Variants in HADHA observed in about 807,000 individuals in gnomAD.
HADHA encodes the protein trifunctional enzyme subunit alpha, mitochondrial.
HADHA carries 59 observed loss-of-function variants against 91.3 expected under a neutral mutation model. That is an observed-to-expected ratio of 0.65 (90% CI 0.52 to 0.80). HADHA has a LOEUF of 0.80. Ranked by LOEUF, HADHA falls within the 30% of genes least tolerant of loss-of-function variation. The pLI is 0.00. For synonymous variants in HADHA, 320 were observed against 338.9 expected (o/e 0.94, Z 0.61); for missense variants, 800 against 927.6 (o/e 0.86, Z 1.79).
chr2:26,221,249 C>T lies in HADHA; in HGVS notation c.677-6074G>A, dbSNP rs761566108. On this transcript the variant is annotated intron_variant, in intron 7 of 19. Coordinates refer to ENST00000380649, the MANE Select transcript of HADHA (RefSeq NM_000182.5). This position sits in a 1 kb window ranked among gnomAD's most constrained non-coding sequence, Gnocchi z 4.8. ...GGGCCACGTGATTCAAACCTGATGG[C>T]GCCTGAAGTGTCGGCAGCAGACAGA... Among the ~76,000 whole-genome samples, 5 of 152,140 alleles carry T rather than the reference C, an allele frequency of 3.3e-5. No individual in the cohort carries two copies. The highest frequency in any genetic ancestry group is 6.5e-5 in the Admixed American group (1 of 15,270).
At chr2:26,228,135 C>CTTTT in intron 7 of HADHA, among the ~76,000 whole-genome samples, 1 of 140,030 alleles carries the variant, frequency 7.1e-6, no homozygotes, top group South Asian at 2.3e-4. Flanking sequence ...CACATAAAGA[C>CTTTT]TTTTTTTTTT....
intron 4 of HADHA, among the ~76,000 whole-genome samples, chr2:26,236,418 G>A (rs62128451): frequency 0.11 from 13,500 of 119,512 alleles, 929 homozygotes; most frequent in South Asian, 0.16. Context: ...GTGTGTGTGT[G>A]TGTATATACT....
At position 26,231,385 on chromosome 2, in the gene HADHA, ATCCAGGTC is replaced by A. The variant is rs555608227; in HGVS notation, c.573+767_573+774del. On this transcript the variant is annotated intron_variant, in intron 6 of 19. Coordinates refer to ENST00000380649, the MANE Select transcript of HADHA (RefSeq NM_000182.5). ...GTTGACATTAAGATTGCTCTGCAGC[ATCCAGGTC>A]TGACTGTCCTTCCCTTCTCCTTGGA... is the stretch of plus-strand genomic sequence containing the variant. Among the ~76,000 whole-genome samples, 221 of 152,360 alleles carry A rather than the reference ATCCAGGTC, an allele frequency of 1.5e-3. 1 individual carries two copies. Among genetic ancestry groups the A allele is most frequent in the African/African-American group, 5.2e-3 (215 of 41,594 alleles).
chr2:26,197,063 T>G (rs184097704), intron 14 of HADHA, among the ~76,000 whole-genome samples: 1 of 152,356 alleles, frequency 6.6e-6, no homozygotes, highest in African/African-American at 2.4e-5. Flanking sequence ...TTAAAGTTCT[T>G]TTATAATTCC....
intron 1 of HADHA, among the ~76,000 whole-genome samples, chr2:26,239,903 A>T (rs1670850940): frequency 6.6e-6 from 1 of 152,220 alleles, no homozygotes; most frequent in Non-Finnish European, 1.5e-5. Context: ...CAAGTCTCTT[A>T]CAAGTGAACT....
chr2:26,191,984 C>A (rs1276415136), intron 18 of HADHA, among the ~76,000 whole-genome samples: 1 of 152,168 alleles, frequency 6.6e-6, no homozygotes, highest in Non-Finnish European at 1.5e-5. Flanking sequence ...GGGAACTTGC[C>A]AGAGAAGGCT....
intron 7 of HADHA, among the ~76,000 whole-genome samples, chr2:26,219,370 T>C (rs4665839): frequency 0.83 from 125,553 of 151,610 alleles, 52,461 homozygotes; most frequent in African/African-American, 0.96. Context: ...TCGTGATTTG[T>C]CCACCTCGGC....
rs367919663 is a variant in HADHA, at chr2:26,238,915, T to C, written c.180+19A>G. ...CATAATGCGGTTAGCAGAAAAAAAC[T>C]GCAAATTAAATGAGATACCTTTGAA... On this transcript the variant is annotated intron_variant, in intron 3 of 19. Transcript: ENST00000380649. 49 of 1,536,912 alleles carry C rather than the reference T, an allele frequency of 3.2e-5. No individual in the cohort carries two copies. The highest frequency in any genetic ancestry group is 4.1e-5 in the Non-Finnish European group (46 of 1,111,458).
chr2:26,236,810 C>T (rs1385309907), intron 4 of HADHA, 45 bp downstream of exon 4: 2 of 1,483,478 alleles, frequency 1.3e-6, no homozygotes, highest in African/African-American at 2.8e-5. Flanking sequence ...AAGAAACACA[C>T]TATTAACCAA....
rs1022863876 is a variant in HADHA at position 26,192,508 on chromosome 2, C to G, written c.1886-84G>C. ...TTTGTTCTCAGAACCCTGGCCTGGC[C>G]AGGCGTGGTGGCTCACGCCTGTAAT... On this transcript the variant is annotated intron_variant, in intron 17 of 19. Transcript: ENST00000380649. The G allele has an allele frequency of 2.5e-5, 21 of 824,270 alleles. No homozygotes were observed. The Admixed American group carries it at 3.6e-4, about 14-fold the overall frequency. The allele number at this position is 824,270 out of a possible 1,614,324, so 51.1% of individuals were successfully genotyped here. A position where few individuals can be genotyped will look rare whatever the true frequency, so the allele number is the denominator to read the frequency against.
At chr2:26,244,454 G>T in intron 1 of HADHA, 76 bp downstream of exon 1, 2 of 1,435,860 alleles carry the variant, frequency 1.4e-6, no homozygotes, top group Non-Finnish European at 9.6e-7. Flanking sequence ...GCGAAAGGGA[G>T]ACGCGGCTCC....
In HADHA at chr2:26,232,259, G is replaced by A. The variant is rs11552518; in HGVS notation, c.474C>T (p.Tyr158=). The stretch of plus-strand genomic sequence containing the variant: ...TTTTTCTGTCTTTTGTTGCTATTCT[G>A]TATTGGCATGAAATGGCAACCTTTG... ...GGLEVAISCQ[Y]RIATKDRKTV... is the part of the protein sequence containing the mutation. Residue 158 remains tyrosine (Y), a synonymous_variant, in exon 6 of 20, where the codon TAC becomes TAT. Transcript: ENST00000380649. 318,178 of 1,596,286 alleles carry A rather than the reference G, an allele frequency of 0.2. 34,005 individuals are homozygous for A. The highest frequency in any genetic ancestry group is 0.26 in the Middle Eastern group (1,567 of 6,024).
intron 13 of HADHA, among the ~76,000 whole-genome samples, chr2:26,200,629 G>A (rs1047236586): frequency 6.6e-6 from 1 of 152,174 alleles, no homozygotes; most frequent in African/African-American, 2.4e-5. Flanking sequence ...ACATGAATAA[G>A]GTGAACGCAC....
At chr2:26,200,407 G>T (rs1366637919) in intron 13 of HADHA, among the ~76,000 whole-genome samples, 2 of 152,100 alleles carry the variant, frequency 1.3e-5, no homozygotes, top group Non-Finnish European at 2.9e-5. Context: ...GTTCATGTCA[G>T]CCCATCTCAA....
intron 4 of HADHA, among the ~76,000 whole-genome samples, chr2:26,235,895 G>T (rs1255232724): frequency 6.6e-6 from 1 of 152,174 alleles, no homozygotes; most frequent in Non-Finnish European, 1.5e-5. Context: ...CAGAGGAAAA[G>T]AAAATACTAG....
At position 26,215,121 on chromosome 2, in the gene HADHA, G is replaced by A. The variant is rs372831713; in HGVS notation, c.731C>T (p.Ala244Val). ...ERTIEYLEEV[A>V]ITFAKGLADK... ...AGCTAGTCCTTTGGCAAAAGTAATT[G>A]CAACTTCTTCTAGGTATTCTATTGT... The change falls in exon 8 of 20, where the codon GCA becomes GTA. Residue 244 changes from alanine (A) to valine (V), a missense_variant. Physicochemically the swap from Ala to Val is moderately conservative, Grantham distance 64 (BLOSUM62 0). Transcript: ENST00000380649. 9 of 1,607,790 alleles carry A rather than the reference G, an allele frequency of 5.6e-6. No individual in the cohort carries two copies. Among genetic ancestry groups the A allele is most frequent in the Non-Finnish European group, 7.7e-6 (9 of 1,174,346 alleles).
At chr2:26,194,018 TTTC>T (rs760685959) in intron 16 of HADHA, among the ~76,000 whole-genome samples, 3 of 152,206 alleles carry the variant, frequency 2.0e-5, no homozygotes, top group Non-Finnish European at 4.4e-5. Flanking sequence ...AATTCTTCAT[TTTC>T]TTCTTGTTTG....
At chr2:26,223,922 T>C (rs938208590) in intron 7 of HADHA, among the ~76,000 whole-genome samples, 3 of 152,110 alleles carry the variant, frequency 2.0e-5, no homozygotes, top group Non-Finnish European at 4.4e-5. Context: ...AATTTTCGTA[T>C]TTTTAGTGGA....
intron 7 of HADHA, among the ~76,000 whole-genome samples, chr2:26,220,232 G>A (rs1362816225): frequency 3.3e-5 from 5 of 152,212 alleles, no homozygotes; most frequent in East Asian, 1.9e-4. Context: ...GCAGGTCCCT[G>A]AGCCCATCCT....
Sources: gnomAD v4.1 joint callset for allele counts (sites outside exome capture counted in the v4.1 genomes callset) on GRCh38, gnomAD v4.1.1 for gene constraint, Gnocchi (gnomAD v3.1) non-coding constraint, MANE v1.5 for transcripts, NCBI Gene and HGNC (gene_info 2026-07-23, HGNC 2026-07-21) for gene names.